The following SEC24B variants were observed in gnomAD, a reference collection of about 807,000 sequenced individuals.
The protein encoded by SEC24B is protein transport protein Sec24B.
Under a neutral mutation model 142.8 loss-of-function variants are expected in SEC24B, and 45 were observed. The ratio of observed to expected loss-of-function variants is 0.32; its 90% CI spans 0.25 to 0.40. SEC24B has a LOEUF of 0.40. Ranked by LOEUF, SEC24B falls within the 10% of genes least tolerant of loss-of-function variation. The pLI, the probability that SEC24B is intolerant of heterozygous loss-of-function variation, is 1.00. For missense variants in SEC24B, 1,409 were observed against 1,526.8 expected, an observed-to-expected ratio of 0.92 and a Z score of 1.29; for synonymous variants, 574 against 568.2, an observed-to-expected ratio of 1.01 and a Z score of -0.15.
chr4:109,434,099 T>C, intron 1 of SEC24B, 97 bp downstream of exon 1: 1 of 844,822 alleles, frequency 1.2e-6, no homozygotes, highest in South Asian at 5.4e-5. Flanking sequence ...GGGAAGGGCG[T>C]TCGGGGCCAG....
chr4:109,451,060 A>G (rs1192643151), intron 1 of SEC24B: 3 of 152,146 alleles, frequency 2.0e-5, no homozygotes, highest in African/African-American at 7.2e-5. Context: ...TATTTGCCAC[A>G]GCACCAGCTA....
chr4:109,524,765 G>T, intron 14 of SEC24B, 53 bp from the exon 15 acceptor site: 15 of 1,530,434 alleles, frequency 9.8e-6, no homozygotes, highest in Non-Finnish European at 1.3e-5. Context: ...AAAATGACAT[G>T]AAAATATGAG....
At chr4:109,451,357 ATTTTTTTT>A (rs34643747) in intron 1 of SEC24B, among the ~76,000 whole-genome samples, 1 of 138,872 alleles carries the variant, frequency 7.2e-6, no homozygotes, top group Non-Finnish European at 1.6e-5. Flanking sequence ...TGCCTTGCTA[ATTTTTTTT>A]TTTTTTTTTT....
At chr4:109,531,861 T>G (rs941851949) in intron 20 of SEC24B, among the ~76,000 whole-genome samples, 8 of 152,240 alleles carry the variant, frequency 5.3e-5, no homozygotes. Context: ...ATTTTCTTTT[T>G]TTTAAATTTT....
At position 109,494,529 on chromosome 4, in the gene SEC24B, G is replaced by A. The variant is rs971604999; in HGVS notation, c.1247-86G>A. On this transcript the variant is annotated intron_variant, in intron 5 of 23. Transcript: ENST00000265175. ...AAGCTTTAAAAAGTAAAAAGGAAAT[G>A]TCAGGGGTTATGGACTGGATCAGGA... 17 of 1,543,212 alleles carry A rather than the reference G, an allele frequency of 1.1e-5. No homozygotes were observed. In the Admixed American group the frequency reaches 2.2e-4, roughly 20 times the overall value.
intron 1 of SEC24B, among the ~76,000 whole-genome samples, chr4:109,460,476 A>T (rs1480579255): frequency 6.6e-6 from 1 of 152,100 alleles, no homozygotes; most frequent in Admixed American, 6.5e-5. Context: ...TTTGCCCAAA[A>T]CCCAAAGAAA....
chr4:109,494,883 TG>T, intron 6 of SEC24B, 27 bp downstream of exon 6: 2 of 1,608,836 alleles, frequency 1.2e-6, no homozygotes, highest in Non-Finnish European at 8.5e-7. Flanking sequence ...ATACACACAT[TG>T]TAACAGTTAT....
intron 2 of SEC24B, among the ~76,000 whole-genome samples, chr4:109,466,839 A>G (rs1294325273): frequency 6.6e-6 from 1 of 152,230 alleles, no homozygotes; most frequent in Non-Finnish European, 1.5e-5. Context: ...TGGAGATGCA[A>G]AAGTATAAAC....
intron 6 of SEC24B, among the ~76,000 whole-genome samples, chr4:109,505,568 A>C (rs768245512): frequency 8.5e-5 from 13 of 152,118 alleles, no homozygotes; most frequent in African/African-American, 1.4e-4. Flanking sequence ...TAACATGTGT[A>C]TTTTCCATCT....
intron 7 of SEC24B, among the ~76,000 whole-genome samples, chr4:109,509,523 A>G (rs1374246298): frequency 6.6e-6 from 1 of 151,920 alleles, no homozygotes; most frequent in East Asian, 1.9e-4. Flanking sequence ...TAAAAATACA[A>G]AAAATTAGCT....
chr4:109,435,337 A>C (rs999510747), intron 1 of SEC24B, among the ~76,000 whole-genome samples: 3 of 152,216 alleles, frequency 2.0e-5, no homozygotes. Flanking sequence ...TAAAAATACT[A>C]TTTGTGAGCA....
chr4:109,522,057 GTT>G (rs70949095), intron 14 of SEC24B, among the ~76,000 whole-genome samples: 3 of 126,982 alleles, frequency 2.4e-5, no homozygotes, highest in African/African-American at 2.8e-5. Flanking sequence ...TTTTGTTTTT[GTT>G]TTTTTTTTTT....
At chr4:109,459,920 T>C (rs1407641257) in intron 1 of SEC24B, among the ~76,000 whole-genome samples, 1 of 152,196 alleles carries the variant, frequency 6.6e-6, no homozygotes, top group Non-Finnish European at 1.5e-5. Context: ...TCTTTTAATA[T>C]ATTTAAATAG....
At chr4:109,434,033 G>T in intron 1 of SEC24B, 31 bp downstream of exon 1, 3 of 1,088,088 alleles carry the variant, frequency 2.8e-6, no homozygotes, top group Non-Finnish European at 3.3e-6. Flanking sequence ...GGAGCGCGGG[G>T]CCTAGCACCG....
At chr4:109,514,868 A>G (rs1261689758) in intron 10 of SEC24B, among the ~76,000 whole-genome samples, 1 of 152,060 alleles carries the variant, frequency 6.6e-6, no homozygotes, top group Non-Finnish European at 1.5e-5. Context: ...TTTGTGTCTA[A>G]TTTGGCATAT....
In SEC24B at chr4:109,525,492, A is replaced by C; in HGVS notation, c.2779A>C (p.Arg927=). Residue 927 remains arginine (R), a synonymous_variant, in exon 16 of 24, where the codon AGG becomes CGG. Coordinates refer to ENST00000265175, the MANE Select transcript of SEC24B (RefSeq NM_006323.5). ...KIGFEAVMRI[R]CTKGLSMHTF... ...TGGGTTTGAAGCTGTTATGAGAATA[A>C]GGTGTACTAAAGGTATGAAGTTGTA... 1 of 1,605,730 alleles carries C rather than the reference A, an allele frequency of 6.2e-7. No homozygotes were observed. Among genetic ancestry groups the C allele is most frequent in the Non-Finnish European group, 8.5e-7 (1 of 1,176,436 alleles).
intron 4 of SEC24B, among the ~76,000 whole-genome samples, chr4:109,483,493 T>G (rs1162597235): frequency 6.6e-6 from 1 of 152,118 alleles, no homozygotes; most frequent in African/African-American, 2.4e-5. Context: ...CTCATAAAAT[T>G]TTGGATTTTG....
intron 4 of SEC24B, among the ~76,000 whole-genome samples, chr4:109,487,528 A>T (rs1249776938): frequency 1.3e-5 from 2 of 152,226 alleles, no homozygotes; most frequent in Non-Finnish European, 2.9e-5. Flanking sequence ...TTATTCACTA[A>T]GATGGTGGGG....
chr4:109,460,648 C>G (rs1731156021), intron 1 of SEC24B, among the ~76,000 whole-genome samples: 1 of 151,946 alleles, frequency 6.6e-6, no homozygotes, highest in Admixed American at 6.6e-5. Context: ...AACATCTTGA[C>G]TTTTGTGGCT....
Sources: gnomAD v4.1 joint callset for allele counts (sites outside exome capture counted in the v4.1 genomes callset) on GRCh38, gnomAD v4.1.1 for gene constraint, MANE v1.5 for transcripts, NCBI Gene and HGNC (gene_info 2026-07-23, HGNC 2026-07-21) for gene names.